CADPS: variants seen among roughly 807,000 people sequenced by gnomAD.
CADPS encodes the protein calcium dependent secretion activator, also known as calcium-dependent secretion activator 1.
A neutral mutation model predicts 167.3 loss-of-function variants in CADPS; 57 were observed. The ratio of observed to expected loss-of-function variants is 0.34; its 90% CI spans 0.28 to 0.42. CADPS has a LOEUF of 0.42. CADPS is among the 20% of genes least tolerant of loss of function. The pLI is 1.00. For synonymous variants in CADPS, 676 were observed against 635.3 expected, an observed-to-expected ratio of 1.06 and a Z score of -0.96; for missense variants, 1,414 against 1,738.1, an observed-to-expected ratio of 0.81 and a Z score of 3.32.
intron 3 of CADPS, among the ~76,000 whole-genome samples, chr3:62,698,001 T>G (rs1006522061): frequency 2.6e-5 from 4 of 152,100 alleles, no homozygotes; most frequent in African/African-American, 7.2e-5. Context: ...ATTAGTCCTT[T>G]GTCAGATGTA....
At chr3:62,710,867 T>C (rs1422077854) in intron 3 of CADPS, among the ~76,000 whole-genome samples, 1 of 150,572 alleles carries the variant, frequency 6.6e-6, no homozygotes, top group Non-Finnish European at 1.5e-5. Context: ...GAGCTTATTA[T>C]CGCTGCCTCC....
chr3:62,554,360 C>A (rs1196463689), intron 10 of CADPS, among the ~76,000 whole-genome samples: 2 of 152,176 alleles, frequency 1.3e-5, no homozygotes, highest in African/African-American at 2.4e-5. Context: ...TCTGGGGGAA[C>A]CACGTAGATT....
Position 62,538,008 on chromosome 3 carries a change from G to A in CADPS, c.1967-1427C>T, listed in dbSNP as rs1237921447. Among the ~76,000 whole-genome samples, 3 of 152,142 alleles carry A rather than the reference G, an allele frequency of 2.0e-5. No individual in the cohort carries two copies. In the East Asian group the frequency reaches 5.8e-4, roughly 29 times the overall value. On this transcript the variant is annotated intron_variant, in intron 11 of 29. Coordinates refer to ENST00000383710, the MANE Select transcript of CADPS (RefSeq NM_003716.4). Reference sequence around the variant, plus strand: ...TCGCAGAAGCAACGGTTTCCAGAAGGCAAGTTGAAGAATGTGTATTTTAAC... The same window carrying A: ...TCGCAGAAGCAACGGTTTCCAGAAGACAAGTTGAAGAATGTGTATTTTAAC...
intron 21 of CADPS, among the ~76,000 whole-genome samples, chr3:62,489,323 G>A (rs1241064448): frequency 2.0e-5 from 3 of 152,116 alleles, no homozygotes; most frequent in East Asian, 1.9e-4. Flanking sequence ...ACCACGCCCA[G>A]CTAATTTTTT....
At chr3:62,577,735 G>A (rs2082570663) in intron 8 of CADPS, among the ~76,000 whole-genome samples, 1 of 152,174 alleles carries the variant, frequency 6.6e-6, no homozygotes, top group African/African-American at 2.4e-5. Flanking sequence ...AAACACTGTT[G>A]TTATTTCTGC....
intron 5 of CADPS, among the ~76,000 whole-genome samples, chr3:62,649,958 C>A (rs2069659545): frequency 6.6e-6 from 1 of 152,078 alleles, no homozygotes; most frequent in Admixed American, 6.6e-5. Context: ...CGGGTATACC[C>A]CATTTTGTCG....
chr3:62,744,088 C>A (rs965165888), intron 3 of CADPS, among the ~76,000 whole-genome samples: 2 of 152,044 alleles, frequency 1.3e-5, no homozygotes, highest in Non-Finnish European at 1.5e-5. Flanking sequence ...ATTGTACAAC[C>A]CCCCTTTTAG....
chr3:62,673,170 T>C (rs1467807277), intron 3 of CADPS, among the ~76,000 whole-genome samples: 1 of 152,218 alleles, frequency 6.6e-6, no homozygotes, highest in Non-Finnish European at 1.5e-5. Context: ...GACTGATGTA[T>C]GGTAAGGGAG....
intron 28 of CADPS, among the ~76,000 whole-genome samples, chr3:62,432,554 C>T (rs1310007452): frequency 1.3e-5 from 2 of 152,044 alleles, no homozygotes; most frequent in Non-Finnish European, 2.9e-5. Flanking sequence ...TGAAACTTTG[C>T]TTAACAAGGA....
At chr3:62,738,227 T>A (rs2079408293) in intron 3 of CADPS, among the ~76,000 whole-genome samples, 1 of 152,194 alleles carries the variant, frequency 6.6e-6, no homozygotes, top group African/African-American at 2.4e-5. Context: ...GGAAAAGCAG[T>A]GCCTGCCCAT....
chr3:62,503,453 G>T (rs1416383858), intron 17 of CADPS, among the ~76,000 whole-genome samples: 1 of 152,210 alleles, frequency 6.6e-6, no homozygotes, highest in East Asian at 1.9e-4. Flanking sequence ...GCCTACACAT[G>T]TTTATTGCTA....
At chr3:62,736,843 T>C (rs535693) in intron 3 of CADPS, among the ~76,000 whole-genome samples, 34,414 of 152,074 alleles carry the variant, frequency 0.23, 4,178 homozygotes, top group African/African-American at 0.3. Flanking sequence ...TTATTAAACT[T>C]AAAAAATCTA....
In CADPS at chr3:62,504,804, A is replaced by T. The variant is rs533447370; in HGVS notation, c.2600-5536T>A. Among the ~76,000 whole-genome samples the T allele has an allele frequency of 5.9e-5, 9 of 152,270 alleles. No individual in the cohort carries two copies. In the South Asian group the frequency reaches 1.9e-3, roughly 32 times the overall value. Reference sequence around the variant, plus strand: ...TTAAATGTGACTGCAGAAAAACAAAAAGAGAATTCCGCAGCAGGCTTATCT... The same window carrying T: ...TTAAATGTGACTGCAGAAAAACAAATAGAGAATTCCGCAGCAGGCTTATCT... On this transcript the variant is annotated intron_variant, in intron 17 of 29. Coordinates refer to ENST00000383710, the MANE Select transcript of CADPS (RefSeq NM_003716.4).
intron 3 of CADPS, among the ~76,000 whole-genome samples, chr3:62,697,820 C>T (rs1398881836): frequency 1.3e-5 from 2 of 151,996 alleles, no homozygotes; most frequent in African/African-American, 4.8e-5. Context: ...GGTGGTATCA[C>T]ATTGTGGTTT....
intron 1 of CADPS, among the ~76,000 whole-genome samples, chr3:62,851,404 G>A (rs1240674631): frequency 8.7e-5 from 12 of 138,458 alleles, no homozygotes; most frequent in South Asian, 5.3e-4. Flanking sequence ...ATTTTGCAGC[G>A]GCTGGTACTG....
intron 9 of CADPS, among the ~76,000 whole-genome samples, chr3:62,567,950 C>T (rs1163946695): frequency 5.3e-5 from 8 of 152,096 alleles, no homozygotes; most frequent in Non-Finnish European, 1.0e-4. Context: ...TTATTTTTAC[C>T]TTCCCAGTAT....
chr3:62,665,777 T>C (rs1233230388), intron 3 of CADPS, among the ~76,000 whole-genome samples: 2 of 152,172 alleles, frequency 1.3e-5, no homozygotes, highest in Admixed American at 1.3e-4. Flanking sequence ...ACTTAGTAGC[T>C]GTGTGACCTT....
intron 6 of CADPS, among the ~76,000 whole-genome samples, chr3:62,607,935 A>T (rs1288232108): frequency 1.3e-5 from 2 of 152,216 alleles, no homozygotes; most frequent in Non-Finnish European, 2.9e-5. Flanking sequence ...GCCCTTCAGT[A>T]AGGACTGAGG....
intron 3 of CADPS, among the ~76,000 whole-genome samples, chr3:62,740,484 C>A (rs925469997): frequency 6.6e-6 from 1 of 152,148 alleles, no homozygotes; most frequent in Non-Finnish European, 1.5e-5. Flanking sequence ...ACTTATGATA[C>A]AAATTTGTCT....
Sources: allele counts gnomAD v4.1 joint callset (sites outside exome capture counted in the v4.1 genomes callset), GRCh38; gene constraint gnomAD v4.1.1; transcripts MANE v1.5; gene names NCBI Gene and HGNC (gene_info 2026-07-23, HGNC 2026-07-21).